GTF2E1: variants seen among roughly 807,000 people sequenced by gnomAD.
GTF2E1 encodes the protein general transcription factor IIE subunit 1, also known as TFIIE alpha subunit.
In GTF2E1, 14 loss-of-function variants were observed where a neutral mutation model predicts 34.9. The ratio of observed to expected loss-of-function variants is 0.40; its 90% CI spans 0.27 to 0.63. The LOEUF (loss-of-function observed/expected upper bound fraction) is 0.63, where lower values mean the gene tolerates loss of function less well. Ranked by LOEUF, GTF2E1 falls within the 20% of genes least tolerant of loss-of-function variation. The probability of loss-of-function intolerance (pLI) is 0.39; values close to 1 mark genes in which losing one functional copy is unlikely to be tolerated. For missense variants in GTF2E1, 469 were observed against 557.7 expected (o/e 0.84, Z 1.60); for synonymous variants, 188 against 192.9 (o/e 0.97, Z 0.21).
chr3:120,743,069 A>G (rs1044833441), intron 1 of GTF2E1: 4 of 157,214 alleles, frequency 2.5e-5, no homozygotes, highest in South Asian at 1.6e-4. Context: ...GGAGGAGTGC[A>G]TATCACCGAA....
chr3:120,779,347 C>T (rs1488055703), intron 4 of GTF2E1, among the ~76,000 whole-genome samples: 3 of 152,124 alleles, frequency 2.0e-5, no homozygotes, highest in African/African-American at 7.2e-5. Context: ...GCATTCCTTA[C>T]CTTCTTTTCT....
chr3:120,749,180 A>G (rs527658609), intron 1 of GTF2E1, among the ~76,000 whole-genome samples: 105 of 152,254 alleles, frequency 6.9e-4, no homozygotes, highest in Non-Finnish European at 1.1e-3. Flanking sequence ...TTCTAGATAT[A>G]CAATCATGTC....
At chr3:120,757,088 T>C (rs1206263684) in intron 2 of GTF2E1, among the ~76,000 whole-genome samples, 2 of 152,230 alleles carry the variant, frequency 1.3e-5, no homozygotes, top group Non-Finnish European at 2.9e-5. Context: ...GTCTTTCAGA[T>C]AGTTGAGATG....
chr3:120,781,248 A>G lies in GTF2E1; in HGVS notation c.1098A>G (p.Pro366=). 4.3e-6 allele frequency: 7 copies of G among 1,614,072 alleles called. No homozygotes were observed. The highest frequency in any genetic ancestry group is 5.9e-6 in the Non-Finnish European group (7 of 1,179,974). ...SETSESDDDS[P]PRPAAVAVHK... ...CCAGTGAGTCAGATGATGATTCTCC[A>G]CCCCGTCCGGCAGCTGTGGCTGTGC... The change falls in exon 5 of 5, where the codon CCA becomes CCG. Residue 366 remains proline (P), a synonymous_variant. Transcript: ENST00000283875.
chr3:120,763,451 T>C (rs940250028), intron 2 of GTF2E1, among the ~76,000 whole-genome samples: 1 of 152,188 alleles, frequency 6.6e-6, no homozygotes, highest in African/African-American at 2.4e-5. Context: ...AAACGGTGTC[T>C]AAATATGCTT....
rs192550638 is a variant in GTF2E1 at position 120,755,310 on chromosome 3, C to T, written c.448+4310C>T. Among the ~76,000 whole-genome samples, 398 of 152,198 alleles carry T rather than the reference C, an allele frequency of 2.6e-3. 5 individuals carry two copies. Among genetic ancestry groups the T allele is most frequent in the Non-Finnish European group, 2.0e-3 (138 of 67,978 alleles). On this transcript the variant is annotated intron_variant, in intron 2 of 4. Coordinates refer to ENST00000283875, the MANE Select transcript of GTF2E1 (RefSeq NM_005513.3). Reference sequence around the variant, plus strand: ...TTTTTGGTTTGGACAGATCCATTTCCTGATGGCCCCATTCATTGAGATTCC... The same window carrying T: ...TTTTTGGTTTGGACAGATCCATTTCTTGATGGCCCCATTCATTGAGATTCC...
intron 1 of GTF2E1, 44 bp from the exon 2 acceptor site, chr3:120,750,479 A>G (rs565897505): frequency 4.3e-6 from 5 of 1,164,176 alleles, no homozygotes; most frequent in African/African-American, 1.5e-5. Flanking sequence ...TATGATTACC[A>G]TGTTCTTATA....
In GTF2E1 at chr3:120,748,805, C is replaced by G. The variant is rs868028023; in HGVS notation, c.-30-1718C>G. Among the ~76,000 whole-genome samples the G allele has an allele frequency of 9.1e-3, 1,375 of 151,774 alleles. 18 individuals carry two copies. The highest frequency in any genetic ancestry group is 0.03 in the African/African-American group (1,221 of 41,384). On this transcript the variant is annotated intron_variant, in intron 1 of 4. Transcript: ENST00000283875. ...CTGTGAAGAAAGTCATTGGTAGCTT[C>G]ATGGGGATGGCATTGAATCTATAAA...
chr3:120,780,785 A>T (rs750779695), intron 4 of GTF2E1, among the ~76,000 whole-genome samples: 1 of 152,192 alleles, frequency 6.6e-6, no homozygotes, highest in African/African-American at 2.4e-5. Flanking sequence ...CTTGCCCAAG[A>T]TGCTTGTGTG....
At chr3:120,749,701 T>A (rs2107605101) in intron 1 of GTF2E1, 1 of 152,338 alleles carries the variant, frequency 6.6e-6, no homozygotes, top group East Asian at 1.9e-4. Flanking sequence ...TCATCAAGGA[T>A]ATTGGTCTAA....
At chr3:120,745,407 G>T (rs146470447) in intron 1 of GTF2E1, among the ~76,000 whole-genome samples, 1 of 152,294 alleles carries the variant, frequency 6.6e-6, no homozygotes, top group Non-Finnish European at 1.5e-5. Context: ...GTGGCACAGG[G>T]ACCTCTCCAT....
chr3:120,773,487 T>G (rs1709369392), intron 3 of GTF2E1, among the ~76,000 whole-genome samples: 2 of 152,140 alleles, frequency 1.3e-5, no homozygotes, highest in Non-Finnish European at 2.9e-5. Flanking sequence ...AGGGGCTACC[T>G]CTGCAGAACT....
intron 1 of GTF2E1, among the ~76,000 whole-genome samples, chr3:120,744,113 C>A (rs1463760947): frequency 6.6e-6 from 1 of 152,220 alleles, no homozygotes; most frequent in Non-Finnish European, 1.5e-5. Context: ...AACATGGGCT[C>A]ACTTTTTCCT....
chr3:120,778,202 T>G (rs1192883286), intron 4 of GTF2E1, among the ~76,000 whole-genome samples: 1 of 152,252 alleles, frequency 6.6e-6, no homozygotes, highest in Non-Finnish European at 1.5e-5. Context: ...CATTATATAT[T>G]AAGCTCATAA....
intron 4 of GTF2E1, among the ~76,000 whole-genome samples, chr3:120,780,616 T>C (rs1053659122): frequency 1.3e-5 from 2 of 152,200 alleles, no homozygotes; most frequent in Non-Finnish European, 2.9e-5. Flanking sequence ...TTACCTTGAG[T>C]GAGATAAAGA....
At chr3:120,760,978 T>C (rs1663606041) in intron 2 of GTF2E1, among the ~76,000 whole-genome samples, 1 of 152,222 alleles carries the variant, frequency 6.6e-6, no homozygotes, top group South Asian at 2.1e-4. Context: ...TTCTATTGAT[T>C]GGAATAGTTT....
At chr3:120,746,515 G>A (rs186194737) in intron 1 of GTF2E1, among the ~76,000 whole-genome samples, 2 of 152,046 alleles carry the variant, frequency 1.3e-5, no homozygotes, top group Admixed American at 1.3e-4. Context: ...TATCCTGTGG[G>A]CTGGGTGTGG....
At chr3:120,742,870 C>T (rs1158246996) in intron 1 of GTF2E1, 76 bp downstream of exon 1, 12 of 334,614 alleles carry the variant, frequency 3.6e-5, no homozygotes, top group Non-Finnish European at 6.9e-5. Context: ...CTTCCTTTCG[C>T]TCCCTCTTAA....
At chr3:120,748,037 A>G (rs1709123539) in intron 1 of GTF2E1, among the ~76,000 whole-genome samples, 1 of 151,506 alleles carries the variant, frequency 6.6e-6, no homozygotes. Context: ...TTTTGGCTGC[A>G]TAAATGTCTT....
Sources: gnomAD v4.1 joint callset for allele counts (sites outside exome capture counted in the v4.1 genomes callset) on GRCh38, gnomAD v4.1.1 for gene constraint, MANE v1.5 for transcripts, NCBI Gene and HGNC (gene_info 2026-07-23, HGNC 2026-07-21) for gene names.